The following SLC4A1 variants were observed in gnomAD, a reference collection of about 807,000 sequenced individuals.
SLC4A1 encodes solute carrier family 4 member 1 (Diego blood group), also known as band 3 anion transport protein.
Under a neutral mutation model 93.1 loss-of-function variants are expected in SLC4A1, and 29 were observed. The ratio of observed to expected loss-of-function variants is 0.31; its 90% CI spans 0.23 to 0.42. SLC4A1 has a LOEUF of 0.42. SLC4A1 is among the 20% of genes least tolerant of loss of function. SLC4A1 has a pLI of 1.00. For missense variants in SLC4A1, 965 were observed against 1,190.1 expected (o/e 0.81, Z 2.78); for synonymous variants, 469 against 497.2 (o/e 0.94, Z 0.76).
chr17:44,260,589 A>G, intron 5 of SLC4A1, 46 bp downstream of exon 5: 1 of 1,614,150 alleles, frequency 6.2e-7, no homozygotes, highest in South Asian at 1.1e-5. Flanking sequence ...AGCACCCCAC[A>G]ACAATCCTCA....
intron 3 of SLC4A1, among the ~76,000 whole-genome samples, chr17:44,262,242 G>A (rs1333845267): frequency 3.3e-5 from 5 of 152,144 alleles, no homozygotes; most frequent in African/African-American, 1.2e-4. Flanking sequence ...GGGAAGGCAG[G>A]GTGGTTCCTG....
chr17:44,253,157 C>G lies in SLC4A1; in HGVS notation c.2272G>C (p.Glu758Gln). The G allele has an allele frequency of 6.2e-7, 1 of 1,613,616 alleles. No individual in the cohort carries two copies. Among genetic ancestry groups the G allele is most frequent in the Non-Finnish European group, 8.5e-7 (1 of 1,180,032 alleles). ...GAAAQIQEVK[E>Q]QRISGLLVAV... ...ACCAGGAGTCCACTGATCCGCTGCT[C>G]TTTGACCTCCTGGATCTGGGCTGCA... Residue 758 changes from glutamate to glutamine, a missense_variant, in exon 17 of 20, where the codon GAG becomes CAG. Physicochemically the swap from Glu to Gln is conservative, Grantham distance 29. Around this residue, in one of 2 missense-constraint regions of SLC4A1, gnomAD observed 770 missense variants for 1,006.6 expected, o/e 0.76. Transcript: ENST00000262418.
At chr17:44,251,075 G>C (rs1049471058) in intron 19 of SLC4A1, 84 bp downstream of exon 19, 143 of 1,446,556 alleles carry the variant, frequency 9.9e-5, no homozygotes, top group Non-Finnish European at 1.2e-4. Context: ...CTTTACCCAT[G>C]ACTCTGTCCT....
In SLC4A1 at chr17:44,262,950, C is replaced by T. The variant is rs748131815; in HGVS notation, c.-68-16G>A. On this transcript the variant is annotated splice_polypyrimidine_tract_variant and intron_variant, in intron 1 of 19. Transcript: ENST00000262418. ...CCGCGGGTCCCTGCAGCAGAGGGCA[C>T]AGGCTGAGTGGGGCACAGGGCATCC... The T allele has an allele frequency of 3.1e-6, 5 of 1,609,638 alleles. No individual in the cohort carries two copies. Among genetic ancestry groups the T allele is most frequent in the Middle Eastern group, 2.0e-4 (1 of 5,004 alleles).
Position 44,253,014 on chromosome 17 carries a change from G to A in SLC4A1, c.2311+104C>T, listed in dbSNP as rs1021552024. The stretch of plus-strand genomic sequence containing the variant: ...AGATGTGGGGAAGTGGTGCAGGATG[G>A]GGGAGGCTGGAGGAGGTGCTGGGTC... On this transcript the variant is annotated intron_variant, in intron 17 of 19. Transcript: ENST00000262418. 7.4e-6 allele frequency: 9 copies of A among 1,213,758 alleles called. No individual in the cohort carries two copies. In the Admixed American group the frequency reaches 1.1e-4, roughly 14 times the overall value. The allele number at this position is 1,213,758 out of a possible 1,614,324, so 75.2% of individuals were successfully genotyped here. A position where few individuals can be genotyped will look rare whatever the true frequency, so the allele number is the denominator to read the frequency against.
intron 1 of SLC4A1, among the ~76,000 whole-genome samples, chr17:44,264,257 C>T (rs996513984): frequency 1.3e-5 from 2 of 152,038 alleles, no homozygotes; most frequent in Non-Finnish European, 2.9e-5. Flanking sequence ...CTCAGGAGTC[C>T]GAGACCAACT....
Position 44,251,290 on chromosome 17 carries a change from T to G in SLC4A1, c.2524A>C (p.Ile842Leu). 1.2e-6 allele frequency: 2 copies of G among 1,614,234 alleles called. No homozygotes were observed. Among genetic ancestry groups the G allele is most frequent in the South Asian group, 2.2e-5 (2 of 91,090 alleles). ...RMHLFTGIQI[I>L]CLAVLWVVKS... ...ACCACCCACAGCACTGCCAGGCAGA[T>G]GATCTGGATGCCCGTGAATAAGTGC... Residue 842 changes from isoleucine (I) to leucine (L), a missense_variant, in exon 19 of 20, where the codon ATC becomes CTC. Around this residue, in one of 2 missense-constraint regions of SLC4A1, gnomAD observed 770 missense variants for 1,006.6 expected, o/e 0.76. Transcript: ENST00000262418.
In SLC4A1 at chr17:44,261,723, C is replaced by T. The variant is rs569408893; in HGVS notation, c.107-87G>A. 29 of 1,610,444 alleles carry T rather than the reference C, an allele frequency of 1.8e-5. 1 individual carries two copies. In the Middle Eastern group the frequency reaches 4.9e-4, roughly 27 times the overall value. On this transcript the variant is annotated intron_variant, in intron 3 of 19. Transcript: ENST00000262418. ...CCACTGTGAGCCTCAGAGACCCAGGCATGGGCAGATGCCCCTCCTTCCCAG... is the reference window on the plus strand; with the variant it reads ...CCACTGTGAGCCTCAGAGACCCAGGTATGGGCAGATGCCCCTCCTTCCCAG...
At chr17:44,251,720 C>CTTTTTTTTTTTTTT (rs67064853) in intron 17 of SLC4A1, 132 bp from the exon 18 acceptor site, 774 of 392,814 alleles carry the variant, frequency 2.0e-3, no homozygotes, top group African/African-American at 4.7e-3. Flanking sequence ...CTTTTCTTTT[C>CTTTTTTTTTTTTTT]TTTTTTTTTT....
Position 44,260,583 on chromosome 17 carries a change from C to T in SLC4A1, c.350-44G>A, listed in dbSNP as rs565279329. On this transcript the variant is annotated intron_variant, in intron 5 of 19. Coordinates refer to ENST00000262418, the MANE Select transcript of SLC4A1 (RefSeq NM_000342.4). ...TGAGCTGGTAGGCTGGGCCACAGCA[C>T]CCCACAACAATCCTCATCTGCAGGG... 9.9e-6 allele frequency: 16 copies of T among 1,614,134 alleles called. No individual in the cohort carries two copies. The South Asian group carries it at 1.5e-4, about 16-fold the overall frequency.
In SLC4A1 at chr17:44,255,316, C is replaced by T; in HGVS notation, c.1801-20G>A. ...ACGCAGCTGGGGGCAGGTGAAAGGA[C>T]CAGTGGTCAGTGCCCAGTCACTCCC... is the stretch of plus-strand genomic sequence containing the variant. On this transcript the variant is annotated intron_variant, in intron 14 of 19. Coordinates refer to ENST00000262418, the MANE Select transcript of SLC4A1 (RefSeq NM_000342.4). 1 of 1,543,388 alleles carries T rather than the reference C, an allele frequency of 6.5e-7. No individual in the cohort carries two copies. The highest frequency in any genetic ancestry group is 8.8e-7 in the Non-Finnish European group (1 of 1,139,552).
chr17:44,261,085 G>A lies in SLC4A1; in HGVS notation c.169-270C>T, dbSNP rs45574837. On this transcript the variant is annotated intron_variant, in intron 4 of 19. Coordinates refer to ENST00000262418, the MANE Select transcript of SLC4A1 (RefSeq NM_000342.4). ...GTGGGAAGCAGAGGCCTGGCGGGCC[G>A]AAGCTAAAGGGGACTTTGGAGTCAT... Among the ~76,000 whole-genome samples the A allele has an allele frequency of 0.067, 10,135 of 152,244 alleles. 514 individuals are homozygous for A. The highest frequency in any genetic ancestry group is 0.14 in the African/African-American group (5,625 of 41,520).
chr17:44,263,828 G>A (rs1021882861), intron 1 of SLC4A1, among the ~76,000 whole-genome samples: 1 of 150,268 alleles, frequency 6.7e-6, no homozygotes, highest in Non-Finnish European at 1.5e-5. Context: ...AGAGTGCAGT[G>A]GCATGATCAT....
intron 17 of SLC4A1, 53 bp downstream of exon 17, chr17:44,253,065 G>A (rs2047356692): frequency 6.3e-7 from 1 of 1,591,654 alleles, no homozygotes; most frequent in South Asian, 1.1e-5. Flanking sequence ...AGGGGAAGGG[G>A]CCGGGGGTGA....
rs2047327198 is a variant in SLC4A1, at chr17:44,250,325, C to T, written c.*133G>A. The stretch of plus-strand genomic sequence containing the variant: ...CTCCTGGACACGCCTTCCTTCCCCA[C>T]CCACAGCCCTGGGGCCTCAGCTGCT... On this transcript the variant is annotated 3_prime_UTR_variant, in exon 20 of 20. Coordinates refer to ENST00000262418, the MANE Select transcript of SLC4A1 (RefSeq NM_000342.4). 2 of 763,878 alleles carry T rather than the reference C, an allele frequency of 2.6e-6. No homozygotes were observed. The highest frequency in any genetic ancestry group is 4.0e-5 in the Admixed American group (2 of 49,486). 47.3% of individuals were successfully genotyped at this position (763,878 alleles called of 1,614,324 possible).
Position 44,254,654 on chromosome 17 carries a change from C to G in SLC4A1, c.1899G>C (p.Ser633=). The G allele has an allele frequency of 6.2e-7, 1 of 1,613,888 alleles. No individual in the cohort carries two copies. Among genetic ancestry groups the G allele is most frequent in the Non-Finnish European group, 8.5e-7 (1 of 1,179,974 alleles). The change falls in exon 16 of 20, where the codon TCG becomes TCC. Residue 633 remains serine, a synonymous_variant. Coordinates refer to ENST00000262418, the MANE Select transcript of SLC4A1 (RefSeq NM_000342.4). ...FIQDTYTQKL[S]VPDGFKVSNS... Reference sequence around the variant, plus strand: ...TGGACACCTTGAAGCCATCAGGCACCGAGAGTTTCTGTGGGAGGGGGTAGC... The same window carrying G: ...TGGACACCTTGAAGCCATCAGGCACGGAGAGTTTCTGTGGGAGGGGGTAGC...
chr17:44,253,394 G>A lies in SLC4A1; in HGVS notation c.2058-23C>T, dbSNP rs766360042. 2.5e-6 allele frequency: 4 copies of A among 1,601,956 alleles called. No homozygotes were observed. In the African/African-American group the frequency reaches 4.0e-5, roughly 16 times the overall value. ...AGCCTACGGTAGGGGAAGGTGAGGG[G>A]TAAGCAGGGTTCTCCCCTGCCTCCT... On this transcript the variant is annotated intron_variant, in intron 16 of 19. Transcript: ENST00000262418.
intron 19 of SLC4A1, 102 bp downstream of exon 19, chr17:44,251,057 G>T: frequency 7.7e-7 from 1 of 1,306,892 alleles, no homozygotes. Flanking sequence ...ACCAGCCCTA[G>T]CCCCAGACTT....
At chr17:44,262,006 G>A in intron 3 of SLC4A1, 3 of 1,196,120 alleles carry the variant, frequency 2.5e-6, no homozygotes, top group Non-Finnish European at 3.2e-6. Flanking sequence ...TCTGAGACCA[G>A]ACTCCCTTCT....
Sources: allele counts gnomAD v4.1 joint callset (sites outside exome capture counted in the v4.1 genomes callset), GRCh38; gene constraint gnomAD v4.1.1; regional missense constraint gnomAD v4.1.1; transcripts MANE v1.5; gene names NCBI Gene and HGNC (gene_info 2026-07-23, HGNC 2026-07-21).